The following BRDT variants were observed in gnomAD, a reference collection of about 807,000 sequenced individuals.
BRDT encodes bromodomain testis associated.
A neutral mutation model predicts 113.9 loss-of-function variants in BRDT; 77 were observed. The observed-to-expected ratio is 0.68, with a 90% CI of 0.56 to 0.82. The LOEUF (loss-of-function observed/expected upper bound fraction) is 0.82, where lower values mean the gene tolerates loss of function less well. BRDT is among the 40% of genes least tolerant of loss of function. The pLI, the probability that BRDT is intolerant of heterozygous loss-of-function variation, is 0.00. For missense variants in BRDT, 1,027 were observed against 1,105.4 expected (o/e 0.93, Z 1.01); for synonymous variants, 358 against 366.5 (o/e 0.98, Z 0.26).
intron 15 of BRDT, among the ~76,000 whole-genome samples, chr1:91,996,409 C>A (rs1024189643): frequency 6.6e-6 from 1 of 152,094 alleles, no homozygotes; most frequent in East Asian, 1.9e-4. Context: ...CCACCATATG[C>A]GGCTAATTTT....
chr1:91,962,653 A>G (rs1165232039), intron 1 of BRDT, 65 bp from the exon 2 acceptor site: 4 of 1,007,772 alleles, frequency 4.0e-6, no homozygotes, highest in Non-Finnish European at 5.6e-6. Flanking sequence ...CTTGAATAAC[A>G]CTTTTCAGCT....
rs1684700972 is a variant in BRDT, at chr1:91,981,265, C to T, written c.1751-3C>T. The T allele has an allele frequency of 1.9e-6, 3 of 1,613,084 alleles. No individual in the cohort carries two copies. Among genetic ancestry groups the T allele is most frequent in the Non-Finnish European group, 2.5e-6 (3 of 1,179,432 alleles). ...TCACTTTCTTCCCTCCTAAATCACA[C>T]AGCTAAGAAAATAATGATGTCCAAA... is the stretch of plus-strand genomic sequence containing the variant. On this transcript the variant is annotated splice_polypyrimidine_tract_variant and splice_region_variant and intron_variant, in intron 10 of 18. Transcript: ENST00000399546.
chr1:92,012,727 A>G (rs1259629435), intron 18 of BRDT, among the ~76,000 whole-genome samples: 1 of 149,322 alleles, frequency 6.7e-6, no homozygotes, highest in Non-Finnish European at 1.5e-5. Context: ...CCTGGCCAAC[A>G]TAGTGAAACC....
chr1:91,978,133 C>G (rs1686813086), intron 6 of BRDT, 35 bp from the exon 7 acceptor site: 1 of 1,559,964 alleles, frequency 6.4e-7, no homozygotes. Context: ...TTGAATTGAA[C>G]TATTTGTGAA....
chr1:91,996,528 T>A (rs571812785), intron 15 of BRDT, among the ~76,000 whole-genome samples: 75 of 152,316 alleles, frequency 4.9e-4, no homozygotes, highest in African/African-American at 1.7e-3. Flanking sequence ...ATTACAGGCG[T>A]GAGCCACCAC....
intron 5 of BRDT, 42 bp downstream of exon 5, chr1:91,976,480 G>T: frequency 4.8e-6 from 7 of 1,456,568 alleles, no homozygotes; most frequent in South Asian, 3.1e-5. Flanking sequence ...TTTTAACACT[G>T]GATTTTTTTT....
At chr1:92,005,339 G>C in intron 18 of BRDT, 40 bp downstream of exon 18, 1 of 1,460,288 alleles carries the variant, frequency 6.8e-7, no homozygotes, top group Non-Finnish European at 9.0e-7. Context: ...TTTAACAAGG[G>C]AAAGATTTAA....
At chr1:92,006,992 T>C (rs1451313493) in intron 18 of BRDT, among the ~76,000 whole-genome samples, 1 of 152,056 alleles carries the variant, frequency 6.6e-6, no homozygotes, top group East Asian at 1.9e-4. Context: ...TTTCACCATG[T>C]TGCCAAGGCT....
rs768759964 is a variant in BRDT at position 91,962,993 on chromosome 1, G to A, written c.192+47G>A. On this transcript the variant is annotated intron_variant, in intron 2 of 18. Coordinates refer to ENST00000399546, the MANE Select transcript of BRDT (RefSeq NM_207189.4). Reference sequence around the variant, plus strand: ...TTAGTTTCAAAAAAAGAAAACTCCTGTAAATTTCTGTAAGACATAACTAGT... The same window carrying A: ...TTAGTTTCAAAAAAAGAAAACTCCTATAAATTTCTGTAAGACATAACTAGT... The A allele has an allele frequency of 3.6e-6, 5 of 1,385,842 alleles. No homozygotes were observed. The African/African-American group carries it at 7.3e-5, about 20-fold the overall frequency. The allele number at this position is 1,385,842 out of a possible 1,614,324, so 85.8% of individuals were successfully genotyped here.
chr1:92,005,207 T>C lies in BRDT; in HGVS notation c.2683T>C (p.Ser895Pro). The change falls in exon 18 of 19, where the codon TCA becomes CCA. Residue 895 changes from serine (S) to proline (P), a missense_variant. Coordinates refer to ENST00000399546, the MANE Select transcript of BRDT (RefSeq NM_207189.4). Reference sequence around the variant, plus strand: ...AGAAGAGCAGAAAGAACATCAGCAGTCATCAGAAGCTCAAGATAAATCCAA... The same window carrying C: ...AGAAGAGCAGAAAGAACATCAGCAGCCATCAGAAGCTCAAGATAAATCCAA... Reference protein sequence around the residue: ...SGEEQKEHQQSSEAQDKSKLW... With the variant: ...SGEEQKEHQQPSEAQDKSKLW... 3 of 1,590,830 alleles carry C rather than the reference T, an allele frequency of 1.9e-6. No homozygotes were observed. The highest frequency in any genetic ancestry group is 2.6e-6 in the Non-Finnish European group (3 of 1,170,526).
intron 3 of BRDT, 124 bp from the exon 4 acceptor site, chr1:91,968,022 T>C: frequency 2.3e-6 from 2 of 885,828 alleles, no homozygotes; most frequent in Non-Finnish European, 3.2e-6. Flanking sequence ...TTTCTAAATT[T>C]ATAAGAGATG....
intron 12 of BRDT, among the ~76,000 whole-genome samples, chr1:91,983,695 T>TG (rs1001809328): frequency 9.2e-6 from 1 of 108,702 alleles, no homozygotes; most frequent in Non-Finnish European, 2.1e-5. Flanking sequence ...GTTTTTTTGG[T>TG]TTTTTTTTTT....
At chr1:91,979,263 G>A (rs1207654865) in intron 7 of BRDT, among the ~76,000 whole-genome samples, 1 of 151,582 alleles carries the variant, frequency 6.6e-6, no homozygotes, top group Non-Finnish European at 1.5e-5. Flanking sequence ...ACAGGCATGC[G>A]CCACCACACG....
At chr1:91,957,262 G>C (rs917007970) in intron 1 of BRDT, among the ~76,000 whole-genome samples, 1 of 152,156 alleles carries the variant, frequency 6.6e-6, no homozygotes, top group Non-Finnish European at 1.5e-5. Context: ...GGGAGGCCGA[G>C]GCAGGCGGAT....
At chr1:91,994,999 G>A (rs1360888114) in intron 15 of BRDT, among the ~76,000 whole-genome samples, 1 of 151,970 alleles carries the variant, frequency 6.6e-6, no homozygotes, top group Non-Finnish European at 1.5e-5. Context: ...CTTGCCTAAG[G>A]GTAGTTCCTA....
At chr1:91,989,680 G>A (rs1015331787) in intron 12 of BRDT, among the ~76,000 whole-genome samples, 2 of 152,042 alleles carry the variant, frequency 1.3e-5, no homozygotes, top group Non-Finnish European at 2.9e-5. Context: ...CTTTAAATGC[G>A]AAAGCTACCT....
chr1:91,956,193 C>G (rs752765142), intron 1 of BRDT, among the ~76,000 whole-genome samples: 1 of 152,024 alleles, frequency 6.6e-6, no homozygotes, highest in African/African-American at 2.4e-5. Context: ...ATGTTATGAC[C>G]GATCTTTTTC....
At position 91,980,612 on chromosome 1, in the gene BRDT, G is replaced by A. The variant is rs200107651; in HGVS notation, c.1288-31G>A. On this transcript the variant is annotated intron_variant, in intron 8 of 18. Transcript: ENST00000399546. ...AGTTTCTTTAATTATTTAGAGACAT[G>A]AATGTTTACAGATTTTTTTTCTTTT... The A allele has an allele frequency of 6.9e-4, 975 of 1,407,942 alleles. 2 individuals carry two copies. Among genetic ancestry groups the A allele is most frequent in the South Asian group, 9.5e-4 (47 of 49,476 alleles). The allele number at this position is 1,407,942 out of a possible 1,614,324, so 87.2% of individuals were successfully genotyped here.
intron 14 of BRDT, among the ~76,000 whole-genome samples, chr1:91,993,655 G>A (rs1686004002): frequency 6.6e-6 from 1 of 152,134 alleles, no homozygotes; most frequent in Admixed American, 6.5e-5. Flanking sequence ...CCTTATGTCT[G>A]TAATACAGTA....
Sources: gnomAD v4.1 joint callset for allele counts (sites outside exome capture counted in the v4.1 genomes callset) on GRCh38, gnomAD v4.1.1 for gene constraint, MANE v1.5 for transcripts, NCBI Gene and HGNC (gene_info 2026-07-23, HGNC 2026-07-21) for gene names.